The following INO80E variants were observed in gnomAD, a reference collection of about 807,000 sequenced individuals.
INO80E encodes the protein INO80 complex subunit E.
INO80E carries 20 observed loss-of-function variants against 27.3 expected under a neutral mutation model. The observed-to-expected ratio is 0.73, with a 90% CI of 0.51 to 1.06. The LOEUF is 1.06. Among genes scored for constraint, INO80E ranks in the 50% least tolerant of loss-of-function variants. INO80E has a pLI of 0.00. For synonymous variants in INO80E, 167 were observed against 145.9 expected (o/e 1.14, Z -1.04); for missense variants, 357 against 322.8 (o/e 1.11, Z -0.81).
intron 6 of INO80E, chr16:30,002,469 A>C (rs1288745159): frequency 1.3e-5 from 2 of 152,466 alleles, no homozygotes; most frequent in Non-Finnish European, 2.9e-5. Flanking sequence ...TGAGCGGTGG[A>C]GTGAGTTGGG....
chr16:30,004,681 C>G (rs1376734240), intron 6 of INO80E: 2 of 155,312 alleles, frequency 1.3e-5, no homozygotes, highest in East Asian at 1.9e-4. Flanking sequence ...AGGGCTGGGC[C>G]TAGGCCACAG....
intron 5 of INO80E, 55 bp from the exon 6 acceptor site, chr16:30,001,359 C>T: frequency 1.3e-6 from 2 of 1,528,390 alleles, no homozygotes; most frequent in Admixed American, 4.1e-5. Flanking sequence ...TTTCTTCCCC[C>T]ACCCTCACCC....
In INO80E at chr16:29,996,625, A is replaced by C. The variant is rs184542030; in HGVS notation, c.152+8A>C. On this transcript the variant is annotated splice_region_variant and intron_variant, in intron 2 of 6. Transcript: ENST00000563197. ...GGTGTCCCGGGACAAGAGGTGAGGC[A>C]CGTTGCAGGGGCGGAGGGCGATGTG... The C allele has an allele frequency of 5.4e-3, 8,494 of 1,581,718 alleles. 745 individuals carry two copies. In the Admixed American group the frequency reaches 0.15, roughly 28 times the overall value.
At chr16:30,002,259 T>G (rs978676732) in intron 6 of INO80E, 1 of 152,304 alleles carries the variant, frequency 6.6e-6, no homozygotes, top group African/African-American at 2.4e-5. Context: ...AGAGTCTGTG[T>G]TTGGGAGAAA....
At chr16:30,001,372 G>C (rs764247003) in intron 5 of INO80E, 42 bp from the exon 6 acceptor site, 1 of 1,547,468 alleles carries the variant, frequency 6.5e-7, no homozygotes, top group East Asian at 2.4e-5. Context: ...CCTCACCCCG[G>C]TCCATTCCGC....
chr16:29,996,779 A>T (rs538247025), intron 2 of INO80E, 29 bp from the exon 3 acceptor site: 42 of 1,612,998 alleles, frequency 2.6e-5, no homozygotes, highest in Non-Finnish European at 3.5e-5. Flanking sequence ...CTGGAAAATC[A>T]CTGTCCGTGT....
Position 30,001,418 on chromosome 16 carries a change from C to A in INO80E, c.401C>A (p.Ala134Asp). 1 of 1,595,076 alleles carries A rather than the reference C, an allele frequency of 6.3e-7. No homozygotes were observed. ...CATCCCCGCTCCCGCCCGCAGCTGG[C>A]CTCCTCCCGCTACCCCCCATTCCCT... ...GVPSPYLSSL[A>D]SSRYPPFPSD... Residue 134 changes from alanine (A) to aspartate (D), a missense_variant, in exon 6 of 7, where the codon GCC (alanine) becomes GAC (aspartate). Transcript: ENST00000563197.
At chr16:29,998,049 C>T (rs1347466327) in intron 3 of INO80E, among the ~76,000 whole-genome samples, 1 of 152,142 alleles carries the variant, frequency 6.6e-6, no homozygotes, top group East Asian at 1.9e-4. Context: ...CGCTGTGCTC[C>T]AGCCTGGGTG....
rs750098054 is a variant in INO80E, at chr16:29,996,841, C to G, written c.186C>G (p.Asn62Lys). Residue 62 changes from asparagine (N) to lysine (K), a missense_variant, in exon 3 of 7, where the codon AAC (asparagine) becomes AAG (lysine). Coordinates refer to ENST00000563197, the MANE Select transcript of INO80E (RefSeq NM_173618.3). ...TAGACCGACTTCTGCAGTACGAGAA[C>G]GTGGATGAAGACTCTTCGGGTGAGC... ...FLLDRLLQYE[N>K]VDEDSSDSDA... 2 of 1,614,136 alleles carry G rather than the reference C, an allele frequency of 1.2e-6. No individual in the cohort carries two copies. Among genetic ancestry groups the G allele is most frequent in the South Asian group, 2.2e-5 (2 of 91,084 alleles).
intron 3 of INO80E, among the ~76,000 whole-genome samples, chr16:29,997,651 G>A (rs1458524336): frequency 6.6e-6 from 1 of 152,020 alleles, no homozygotes; most frequent in Non-Finnish European, 1.5e-5. Context: ...CTACTGGGGA[G>A]GCTGAGGCAG....
chr16:29,996,349 A>T lies in INO80E; in HGVS notation c.39A>T (p.Lys13Asn), dbSNP rs2150918699. 6.2e-7 allele frequency: 1 copy of T among 1,600,448 alleles called. No individual in the cohort carries two copies. Among genetic ancestry groups the T allele is most frequent in the Non-Finnish European group, 8.5e-7 (1 of 1,173,534 alleles). The change falls in exon 1 of 7, where the codon AAA (lysine) becomes AAT (asparagine). Residue 13 changes from lysine (K) to asparagine (N), a missense_variant. Coordinates refer to ENST00000563197, the MANE Select transcript of INO80E (RefSeq NM_173618.3). ...CGGACGGCGAAGTGGACTACAAAAA[A>T]AAATACCGGAATCTGAAGCGGAAGC... Reference protein sequence around the residue: ...GPADGEVDYKKKYRNLKRKLK... With the variant: ...GPADGEVDYKNKYRNLKRKLK...
intron 6 of INO80E, chr16:30,001,896 G>A (rs1015810488): frequency 1.4e-5 from 3 of 220,736 alleles, no homozygotes; most frequent in Non-Finnish European, 2.7e-5. Context: ...TAGAAACCAC[G>A]TGGCCTTGAG....
At position 30,002,288 on chromosome 16, in the gene INO80E, T is replaced by C. The variant is rs1256629339; in HGVS notation, c.513+758T>C. On this transcript the variant is annotated intron_variant, in intron 6 of 6. Transcript: ENST00000563197. Reference sequence around the variant, plus strand: ...GGAGAAAAGTAAGCAGGGAATTGGGTCCCGGAGCAGGTCAGAGGGGGAGCT... The same window carrying C: ...GGAGAAAAGTAAGCAGGGAATTGGGCCCCGGAGCAGGTCAGAGGGGGAGCT... The C allele has an allele frequency of 2.0e-5, 3 of 152,316 alleles. No individual in the cohort carries two copies. The East Asian group carries it at 5.8e-4, about 29-fold the overall frequency. 9.4% of individuals were successfully genotyped at this position (152,316 alleles called of 1,614,324 possible).
rs1365846807 is a variant in INO80E at position 30,003,125 on chromosome 16, G to A, written c.513+1595G>A. 1 of 152,790 alleles carries A rather than the reference G, an allele frequency of 6.5e-6. No homozygotes were observed. The highest frequency in any genetic ancestry group is 2.4e-5 in the African/African-American group (1 of 41,568). 9.5% of individuals were successfully genotyped at this position (152,790 alleles called of 1,614,324 possible). A position where few individuals can be genotyped will look rare whatever the true frequency, so the allele number is the denominator to read the frequency against. ...TGGCTGGGTGCTGAGTCCTGAAGCA[G>A]AGTCATGTCCGGGAGCAAAGTTGTA... On this transcript the variant is annotated intron_variant, in intron 6 of 6. Coordinates refer to ENST00000563197, the MANE Select transcript of INO80E (RefSeq NM_173618.3). This position sits in a 1 kb window ranked among gnomAD's most constrained non-coding sequence, Gnocchi z 4.4.
chr16:30,000,949 G>C lies in INO80E; in HGVS notation c.305G>C (p.Gly102Ala). Reference protein sequence around the residue: ...APKRKRSPPLGGAPSPSSLSL... With the variant: ...APKRKRSPPLAGAPSPSSLSL... ...TCCAGGAAGAGAAGCCCTCCGCTGG[G>C]GGGCGCCCCCTCTCCCTCCAGCCTC... Residue 102 changes from glycine (G) to alanine (A), a missense_variant, in exon 5 of 7, where the codon GGG (glycine) becomes GCG (alanine). By Grantham distance (60) the Gly-to-Ala change is moderately conservative. Coordinates refer to ENST00000563197, the MANE Select transcript of INO80E (RefSeq NM_173618.3). The C allele has an allele frequency of 6.3e-7, 1 of 1,586,292 alleles. No homozygotes were observed. The highest frequency in any genetic ancestry group is 8.6e-7 in the Non-Finnish European group (1 of 1,162,602).
intron 3 of INO80E, chr16:29,999,170 G>A (rs1345426324): frequency 6.6e-6 from 1 of 152,226 alleles, no homozygotes; most frequent in Non-Finnish European, 1.5e-5. Flanking sequence ...GAGGATTGTA[G>A]ATAAGGTTGG....
chr16:29,996,631 C>T lies in INO80E; in HGVS notation c.152+14C>T. On this transcript the variant is annotated intron_variant, in intron 2 of 6. Transcript: ENST00000563197. ...CCGGGACAAGAGGTGAGGCACGTTG[C>T]AGGGGCGGAGGGCGATGTGCTTCCT... is the stretch of plus-strand genomic sequence containing the variant. 6.3e-7 allele frequency: 1 copy of T among 1,582,110 alleles called. No homozygotes were observed. Among genetic ancestry groups the T allele is most frequent in the African/African-American group, 1.3e-5 (1 of 74,458 alleles).
chr16:29,996,385 C>T lies in INO80E; in HGVS notation c.75C>T (p.Leu25=), dbSNP rs540722791. Residue 25 remains leucine, a synonymous_variant, in exon 1 of 7, where the codon CTC becomes CTT. Coordinates refer to ENST00000563197, the MANE Select transcript of INO80E (RefSeq NM_173618.3). ...YRNLKRKLKF[L]IYEHECFQEE... ...ATCTGAAGCGGAAGCTCAAGTTCCT[C>T]ATCTACGTGAGTGCTGCCGCGGGAA... The T allele has an allele frequency of 6.7e-5, 107 of 1,590,206 alleles. 3 individuals are homozygous for T. In the South Asian group the frequency reaches 9.7e-4, roughly 14 times the overall value.
intron 3 of INO80E, among the ~76,000 whole-genome samples, chr16:30,000,379 T>C (rs893316618): frequency 1.3e-5 from 2 of 152,114 alleles, no homozygotes; most frequent in African/African-American, 4.8e-5. Context: ...TTGGTTTGTT[T>C]CATTTTTTTG....
Sources: allele counts gnomAD v4.1 joint callset (sites outside exome capture counted in the v4.1 genomes callset), GRCh38; gene constraint gnomAD v4.1.1; non-coding constraint Gnocchi (gnomAD v3.1); transcripts MANE v1.5; gene names NCBI Gene and HGNC (gene_info 2026-07-23, HGNC 2026-07-21).